NPHS1: variants seen among roughly 807,000 people sequenced by gnomAD.
NPHS1 encodes NPHS1 adhesion molecule, nephrin, also known as nephrin.
Under a neutral mutation model 139.7 loss-of-function variants are expected in NPHS1, and 107 were observed. The ratio of observed to expected loss-of-function variants is 0.77; its 90% CI spans 0.66 to 0.90. The LOEUF is 0.90. Among genes scored for constraint, NPHS1 ranks in the 40% least tolerant of loss-of-function variants. The pLI is 0.00. For missense variants in NPHS1, 1,580 were observed against 1,654.2 expected (o/e 0.96, Z 0.78); for synonymous variants, 707 against 706.6 (o/e 1.00, Z -0.01).
Position 35,844,304 on chromosome 19 carries a change from G to A in NPHS1, c.2071+15C>T. On this transcript the variant is annotated intron_variant, in intron 15 of 28. Coordinates refer to ENST00000378910, the MANE Select transcript of NPHS1 (RefSeq NM_004646.4). ...TCCCATCCCCGGGACCCCTCCCCAT[G>A]ACCACTTCCCTCACCTGGACTGAGG... is the stretch of plus-strand genomic sequence containing the variant. The A allele has an allele frequency of 6.2e-7, 1 of 1,614,002 alleles. No individual in the cohort carries two copies.
intron 24 of NPHS1, 42 bp from the exon 25 acceptor site, chr19:35,831,542 G>A (rs554319037): frequency 6.2e-7 from 1 of 1,613,434 alleles, no homozygotes; most frequent in East Asian, 2.2e-5. Flanking sequence ...CCCTATGCAA[G>A]CCCCCCACCC....
rs373835033 is a variant in NPHS1, at chr19:35,849,552, A to G, written c.710T>C (p.Leu237Pro). The part of the protein sequence containing the change: ...PIKASFTVNV[L>P]FPPGPPVIEW... Reference sequence around the variant, plus strand: ...AGTTGGCCCAGTTCTCCACTTACACAGAACATTCACGGTGAATGAGGCCTT... The same window carrying G: ...AGTTGGCCCAGTTCTCCACTTACACGGAACATTCACGGTGAATGAGGCCTT... Residue 237 changes from leucine to proline, a missense_variant and splice_region_variant, in exon 6 of 29, where the codon CTG becomes CCG. By Grantham distance (98) the Leu-to-Pro change is moderately conservative (BLOSUM62 -3). Transcript: ENST00000378910. 2.5e-6 allele frequency: 4 copies of G among 1,613,280 alleles called. No homozygotes were observed. The Admixed American group carries it at 6.7e-5, about 27-fold the overall frequency.
intron 19 of NPHS1, 92 bp from the exon 20 acceptor site, chr19:35,841,958 C>A: frequency 6.9e-7 from 1 of 1,453,320 alleles, no homozygotes; most frequent in South Asian, 1.2e-5. Flanking sequence ...ATGTAACCGT[C>A]TGCCTATCTA....
intron 28 of NPHS1, 79 bp downstream of exon 28, chr19:35,830,765 G>A: frequency 1.1e-6 from 1 of 888,838 alleles, no homozygotes. Flanking sequence ...CAGCTAGCTG[G>A]CCCTAACTAA....
chr19:35,834,066 C>T (rs374340000), intron 23 of NPHS1, among the ~76,000 whole-genome samples: 6 of 144,902 alleles, frequency 4.1e-5, no homozygotes, highest in South Asian at 2.1e-4. Flanking sequence ...TTTTCTCGGG[C>T]TCTGAAGGGG....
At position 35,845,509 on chromosome 19, in the gene NPHS1, C is replaced by T. The variant is rs770949004; in HGVS notation, c.1789G>A (p.Ala597Thr). 1.9e-5 allele frequency: 30 copies of T among 1,611,442 alleles called. 1 individual carries two copies. The Middle Eastern group carries it at 6.7e-4, about 36-fold the overall frequency. The change falls in exon 14 of 29, where the codon GCC (alanine) becomes ACC (threonine). Residue 597 changes from alanine to threonine, a missense_variant. By Grantham distance (58) the Ala-to-Thr change is moderately conservative. Transcript: ENST00000378910. This position sits in a 1 kb window ranked among gnomAD's most constrained non-coding sequence, Gnocchi z 5.5. ...GCGGCGGCGGAGCCTTTGAATGGGG[C>T]TCTCCGGGGTGGGGCGGCCACGCCC... ...LEGVAAPPRR[A>T]PFKGSAAARS...
chr19:35,851,064 G>T lies in NPHS1; in HGVS notation c.423C>A (p.Thr141=). The part of the protein sequence containing the change: ...ILVPPKLLLL[T]PEAGTMVTWV... ...AGGTGACCATGGTGCCTGCCTCTGG[G>T]GTCAGCAGGAGCAGCTTGGGAGGAA... is the stretch of plus-strand genomic sequence containing the variant. Residue 141 remains threonine, a synonymous_variant, in exon 4 of 29, where the codon ACC becomes ACA. Transcript: ENST00000378910. The T allele has an allele frequency of 6.2e-7, 1 of 1,614,162 alleles. No homozygotes were observed. The highest frequency in any genetic ancestry group is 8.5e-7 in the Non-Finnish European group (1 of 1,180,032).
chr19:35,834,238 C>A (rs2146810524), intron 23 of NPHS1, among the ~76,000 whole-genome samples: 1 of 152,220 alleles, frequency 6.6e-6, no homozygotes, highest in South Asian at 2.1e-4. Flanking sequence ...CCCCCGTGAC[C>A]ACCTCCATGT....
chr19:35,842,412 G>A lies in NPHS1; in HGVS notation c.2473C>T (p.Pro825Ser). 1 of 1,614,124 alleles carries A rather than the reference G, an allele frequency of 6.2e-7. No homozygotes were observed. The change falls in exon 18 of 29, where the codon CCA becomes TCA. Residue 825 changes from proline (P) to serine (S), a missense_variant. Physicochemically the swap from Pro to Ser is moderately conservative, Grantham distance 74. Transcript: ENST00000378910. ...QCIVDNGVAP[P>S]ARRLLRLVVR... The stretch of plus-strand genomic sequence containing the variant: ...ACAAGACGGAGCAGCCGTCGTGCTG[G>A]AGGCGCCACCCCATTGTCCACAATG...
chr19:35,847,344 C>CTTTTTTTT (rs34920536), intron 11 of NPHS1, among the ~76,000 whole-genome samples: 3 of 59,878 alleles, frequency 5.0e-5, no homozygotes, highest in East Asian at 9.7e-4. Flanking sequence ...TGTGCCCAGC[C>CTTTTTTTT]TTTTTTTTTT....
At chr19:35,847,343 C>CATTTT (rs1568455240) in intron 11 of NPHS1, among the ~76,000 whole-genome samples, 1 of 116,206 alleles carries the variant, frequency 8.6e-6, no homozygotes, top group African/African-American at 3.9e-5. Context: ...CTGTGCCCAG[C>CATTTT]CTTTTTTTTT....
rs993745022 is a variant in NPHS1, at chr19:35,851,109, G to A, written c.398-20C>T. 1.2e-6 allele frequency: 2 copies of A among 1,613,996 alleles called. No individual in the cohort carries two copies. The highest frequency in any genetic ancestry group is 1.7e-6 in the Non-Finnish European group (2 of 1,180,034). ...GAGGAACTGGTGAGAGAAGGGTCTG[G>A]GGTAAGCTTCCAGCACTGAGAAGGA... On this transcript the variant is annotated intron_variant, in intron 3 of 28. Coordinates refer to ENST00000378910, the MANE Select transcript of NPHS1 (RefSeq NM_004646.4).
At chr19:35,848,515 G>C (rs1973178531) in intron 9 of NPHS1, 118 bp from the exon 10 acceptor site, 1 of 1,582,266 alleles carries the variant, frequency 6.3e-7, no homozygotes, top group Non-Finnish European at 8.6e-7. Context: ...CTCCCCCTCT[G>C]TTGGACCCAT....
chr19:35,834,993 T>A (rs1972936100), intron 23 of NPHS1, among the ~76,000 whole-genome samples: 1 of 150,668 alleles, frequency 6.6e-6, no homozygotes, highest in South Asian at 2.1e-4. Context: ...AGGTCGGGAG[T>A]TCGAGACCAG....
At chr19:35,844,991 A>T (rs1466004217) in intron 14 of NPHS1, among the ~76,000 whole-genome samples, 3 of 151,934 alleles carry the variant, frequency 2.0e-5, no homozygotes, top group African/African-American at 7.3e-5. Flanking sequence ...AAATCAGCCT[A>T]GCATAGTGGC....
Position 35,852,300 on chromosome 19 carries a change from C to T in NPHS1, c.-463G>A, listed in dbSNP as rs970667613. Among the ~76,000 whole-genome samples the T allele has an allele frequency of 2.0e-5, 3 of 149,130 alleles. No individual in the cohort carries two copies. Among genetic ancestry groups the T allele is most frequent in the African/African-American group, 7.7e-5 (3 of 39,016 alleles). ...CTTTTGTCTCTGTCTCTTCCTCTCTCTCTGTCTCTCTCTCTCTCTCTCTCT... is the reference window on the plus strand; with the variant it reads ...CTTTTGTCTCTGTCTCTTCCTCTCTTTCTGTCTCTCTCTCTCTCTCTCTCT... On this transcript the variant is annotated 5_prime_UTR_variant, in exon 1 of 29. Transcript: ENST00000378910.
In NPHS1 at chr19:35,831,711, A is replaced by G; in HGVS notation, c.3218T>C (p.Leu1073Pro). The change falls in exon 24 of 29, where the codon CTG (leucine) becomes CCG (proline). Residue 1073 changes from leucine to proline, a missense_variant. By Grantham distance (98) the Leu-to-Pro change is moderately conservative. Transcript: ENST00000378910. ...GACACAGGAGGCATTGGAGAGGAGCAGAAGCCCCCCAAGAGCGAACAGCAC... is the reference window on the plus strand; with the variant it reads ...GACACAGGAGGCATTGGAGAGGAGCGGAAGCCCCCCAAGAGCGAACAGCAC... Reference protein sequence around the residue: ...LPVLFALGGLLLLSNASCVGG... With the variant: ...LPVLFALGGLPLLSNASCVGG... The G allele has an allele frequency of 1.3e-6, 2 of 1,598,206 alleles. No homozygotes were observed. The highest frequency in any genetic ancestry group is 1.7e-6 in the Non-Finnish European group (2 of 1,172,740).
chr19:35,849,167 T>C lies in NPHS1; in HGVS notation c.841-20A>G. ...GCCATTCTGGAGACAGGGACAGGCC[T>C]GGGCCAGCTCAGGACTGGCTCCCAG... On this transcript the variant is annotated intron_variant, in intron 7 of 28. Coordinates refer to ENST00000378910, the MANE Select transcript of NPHS1 (RefSeq NM_004646.4). 1 of 1,612,188 alleles carries C rather than the reference T, an allele frequency of 6.2e-7. No homozygotes were observed.
chr19:35,842,360 G>A lies in NPHS1; in HGVS notation c.2506+19C>T. 6.2e-7 allele frequency: 1 copy of A among 1,613,228 alleles called. No individual in the cohort carries two copies. Among genetic ancestry groups the A allele is most frequent in the Non-Finnish European group, 8.5e-7 (1 of 1,179,914 alleles). On this transcript the variant is annotated intron_variant, in intron 18 of 28. Coordinates refer to ENST00000378910, the MANE Select transcript of NPHS1 (RefSeq NM_004646.4). ...GTTCAGTGGCAGGTCTTGAAGTCAG[G>A]TGTTTGGGTAATACCCACATCTGAC...
Sources: allele counts gnomAD v4.1 joint callset (sites outside exome capture counted in the v4.1 genomes callset), GRCh38; gene constraint gnomAD v4.1.1; non-coding constraint Gnocchi (gnomAD v3.1); transcripts MANE v1.5; gene names NCBI Gene and HGNC (gene_info 2026-07-23, HGNC 2026-07-21).